The following ZNF674 variants were observed in gnomAD, a reference collection of about 807,000 sequenced individuals.
ZNF674 encodes the protein zinc finger family member 674.
In ZNF674, 2 loss-of-function variants were observed where a neutral mutation model predicts 7.0. The ratio of observed to expected loss-of-function variants is 0.29; its 90% CI spans 0.12 to 0.90. The LOEUF (loss-of-function observed/expected upper bound fraction) is 0.90. Among genes scored for constraint, ZNF674 ranks in the 40% least tolerant of loss-of-function variants. The pLI, the probability that ZNF674 is intolerant of heterozygous loss-of-function variation, is 0.57. For missense variants in ZNF674, 297 were observed against 415.5 expected (o/e 0.71, Z 2.48); for synonymous variants, 103 against 145.2 (o/e 0.71, Z 2.09).
rs762538149 is a variant in ZNF674 at position 46,501,215 on chromosome X, A to AT, written c.358dup (p.Ile120AsnfsTer3). 8.3e-7 allele frequency: 1 copy of AT among 1,210,751 alleles called. No individual in the cohort carries two copies. Among genetic ancestry groups the AT allele is most frequent in the East Asian group, 3.0e-5 (1 of 33,830 alleles). The stretch of plus-strand genomic sequence containing the variant: ...GTTGAGATAAATGATTTTTCTACAT[A>AT]TTTTACATTCTTGACCACTTTCATC... On this transcript the variant is annotated frameshift_variant, in exon 6 of 6. Coordinates refer to ENST00000683375, the MANE Select transcript of ZNF674 (RefSeq NM_001190417.2). LOFTEE classifies it low-confidence loss of function (END_TRUNC).
chrX:46,519,517 A>C (rs1941866829), intron 5 of ZNF674, among the ~76,000 whole-genome samples: 1 of 108,221 alleles, frequency 9.2e-6, no homozygotes, highest in Non-Finnish European at 1.9e-5. Flanking sequence ...CTGGGGCAGG[A>C]GAATCGCTTG....
At chrX:46,504,676 A>T (rs764938669) in intron 5 of ZNF674, among the ~76,000 whole-genome samples, 1 of 109,921 alleles carries the variant, frequency 9.1e-6, no homozygotes, top group Admixed American at 9.8e-5. Context: ...ACAATCTGGT[A>T]ATTTTACAAA....
rs1217038194 is a variant in ZNF674, at chrX:46,542,070, C to T, written c.15+3G>A. Reference sequence around the variant, plus strand: ...AAAAAAGTAGGGGTACATTAGAACTCACCTGGGACATGGCCATCTTGTTGT... The same window carrying T: ...AAAAAAGTAGGGGTACATTAGAACTTACCTGGGACATGGCCATCTTGTTGT... On this transcript the variant is annotated splice_donor_region_variant and intron_variant, in intron 3 of 5. Coordinates refer to ENST00000683375, the MANE Select transcript of ZNF674 (RefSeq NM_001190417.2). 8.3e-7 allele frequency: 1 copy of T among 1,205,160 alleles called. No homozygotes were observed. Among genetic ancestry groups the T allele is most frequent in the South Asian group, 1.8e-5 (1 of 56,352 alleles).
chrX:46,537,846 T>A (rs7888672), intron 3 of ZNF674, among the ~76,000 whole-genome samples: 1,222 of 112,359 alleles, frequency 0.011, 18 homozygotes, highest in African/African-American at 0.037. Flanking sequence ...CCCAGCACTT[T>A]GGGAGATTGA....
chrX:46,533,839 TATATATATATATATAC>T (rs1942157428), intron 3 of ZNF674, among the ~76,000 whole-genome samples: 1 of 85,579 alleles, frequency 1.2e-5, no homozygotes, highest in East Asian at 3.9e-4. Flanking sequence ...AATATATATA[TATATATATATATATAC>T]ACACACACAC....
chrX:46,519,523 G>A (rs1389595068), intron 5 of ZNF674, among the ~76,000 whole-genome samples: 3 of 107,720 alleles, frequency 2.8e-5, no homozygotes, highest in African/African-American at 6.7e-5. Context: ...CAGGAGAATC[G>A]CTTGAACCAG....
intron 5 of ZNF674, chrX:46,522,869 A>G (rs1941939230): frequency 1.8e-5 from 2 of 112,619 alleles, no homozygotes; most frequent in South Asian, 7.3e-4. Context: ...TTCAAACTAA[A>G]CAATATATTG....
chrX:46,545,385 C>G lies in ZNF674; in HGVS notation c.-155G>C, dbSNP rs1364063028. ...CTCCCGCTTACTTCACTGCCGACAG[C>G]CTGAAACCTCAGGGGCGGATGACAA... On this transcript the variant is annotated 5_prime_UTR_variant, in exon 1 of 6. Coordinates refer to ENST00000683375, the MANE Select transcript of ZNF674 (RefSeq NM_001190417.2). 4 of 112,682 alleles carry G rather than the reference C, an allele frequency of 3.5e-5. No homozygotes were observed. The highest frequency in any genetic ancestry group is 1.9e-4 in the Admixed American group (2 of 10,666). 9.3% of individuals were successfully genotyped at this position (112,682 alleles called of 1,213,427 possible). A position where few individuals can be genotyped will look rare whatever the true frequency, so the allele number is the denominator to read the frequency against.
rs773232395 is a variant in ZNF674 at position 46,532,904 on chromosome X, C to T, written c.16-3995G>A. On this transcript the variant is annotated intron_variant, in intron 3 of 5. Transcript: ENST00000683375. ...TCTCATAATGTTTTAAGAAAGTTTA[C>T]AAATTTGTATTGGGCCGCATTCAAA... Among the ~76,000 whole-genome samples the T allele has an allele frequency of 6.3e-5, 7 of 111,741 alleles. No individual in the cohort carries two copies. The Admixed American group carries it at 6.7e-4, about 11-fold the overall frequency.
chrX:46,520,947 G>A (rs1941898160), intron 5 of ZNF674, among the ~76,000 whole-genome samples: 1 of 111,578 alleles, frequency 9.0e-6, no homozygotes, highest in East Asian at 2.8e-4. Context: ...AGCACTTTGG[G>A]AGGCCGAGGT....
chrX:46,519,173 A>AGT lies in ZNF674; in HGVS notation c.238+9176_238+9177insAC, dbSNP rs2033234564. 1.0e-4 allele frequency among the ~76,000 whole-genome samples: 11 copies of AGT among 109,014 alleles called. No individual in the cohort carries two copies. The South Asian group carries it at 4.0e-3, about 39-fold the overall frequency. 94.7% of individuals were successfully genotyped at this position (109,014 alleles called of 115,157 possible). ...AGCCAAGATTGCACCACTGCACTCCAGCCTGGGCAACAGAGCGAGACACCA... is the reference window on the plus strand; with the variant it reads ...AGCCAAGATTGCACCACTGCACTCCAGTGCCTGGGCAACAGAGCGAGACACCA... On this transcript the variant is annotated intron_variant, in intron 5 of 5. Coordinates refer to ENST00000683375, the MANE Select transcript of ZNF674 (RefSeq NM_001190417.2).
rs1274759648 is a variant in ZNF674 at position 46,501,273 on chromosome X, G to A, written c.301C>T (p.Gln101Ter). The A allele has an allele frequency of 2.5e-6, 3 of 1,211,215 alleles. No homozygotes were observed. The highest frequency in any genetic ancestry group is 3.4e-6 in the Non-Finnish European group (3 of 895,120). Residue 101 changes from glutamine to a stop codon, truncating the protein, a stop_gained, in exon 6 of 6, where the codon CAA (glutamine) becomes TAA (stop). Coordinates refer to ENST00000683375, the MANE Select transcript of ZNF674 (RefSeq NM_001190417.2). LOFTEE classifies it low-confidence loss of function (END_TRUNC). ...GTTTCCTTGCCTATGAATGCAGCTT[G>A]CCACAGAAATTTGTCTTGGCTTTCC... Reference protein sequence around the residue: ...YKESQDKFLWQAAFIGKETLK... With the variant: ...YKESQDKFLW
At chrX:46,538,427 C>G (rs1202411278) in intron 3 of ZNF674, among the ~76,000 whole-genome samples, 2 of 111,425 alleles carry the variant, frequency 1.8e-5, no homozygotes, top group African/African-American at 6.5e-5. Flanking sequence ...CAAGTCAAAG[C>G]AAATGAAGTA....
In ZNF674 at chrX:46,506,594, C is replaced by T. The variant is rs974683420; in HGVS notation, c.239-5259G>A. Among the ~76,000 whole-genome samples, 4 of 111,409 alleles carry T rather than the reference C, an allele frequency of 3.6e-5. No individual in the cohort carries two copies. The Admixed American group carries it at 3.8e-4, about 11-fold the overall frequency. ...AGTATCAATAATCAGAATAGCTTTA[C>T]ACTGAAAATTAGATGACAATGGAGC... is the stretch of plus-strand genomic sequence containing the variant. On this transcript the variant is annotated intron_variant, in intron 5 of 5. Coordinates refer to ENST00000683375, the MANE Select transcript of ZNF674 (RefSeq NM_001190417.2).
chrX:46,506,142 G>A (rs1941533544), intron 5 of ZNF674, among the ~76,000 whole-genome samples: 1 of 112,243 alleles, frequency 8.9e-6, no homozygotes, highest in African/African-American at 3.2e-5. Context: ...GCTGGCTCCT[G>A]GCTAAAGTCT....
intron 5 of ZNF674, chrX:46,527,894 TAA>T (rs376612095): frequency 0.018 from 2,040 of 115,023 alleles, no homozygotes; most frequent in South Asian, 0.03. Flanking sequence ...TCCTTGAGTC[TAA>T]AAAAAAAAAA....
intron 5 of ZNF674, among the ~76,000 whole-genome samples, chrX:46,515,125 C>T (rs1941737646): frequency 9.0e-6 from 1 of 111,128 alleles, no homozygotes; most frequent in Non-Finnish European, 1.9e-5. Flanking sequence ...TCCCAACACT[C>T]TGGGAGGCCT....
At chrX:46,531,258 AT>A (rs1379378467) in intron 3 of ZNF674, among the ~76,000 whole-genome samples, 14 of 111,619 alleles carry the variant, frequency 1.3e-4, no homozygotes, top group African/African-American at 4.6e-4. Flanking sequence ...GTTCATCTGT[AT>A]CTTCTGTAAT....
intron 3 of ZNF674, 79 bp downstream of exon 3, chrX:46,541,994 T>G: frequency 2.3e-6 from 2 of 865,134 alleles, no homozygotes; most frequent in Non-Finnish European, 3.4e-6. Context: ...GGATAATTGG[T>G]ATTTTCAAGT....
Sources: allele counts gnomAD v4.1 joint callset (sites outside exome capture counted in the v4.1 genomes callset), GRCh38; gene constraint gnomAD v4.1.1; transcripts MANE v1.5; gene names NCBI Gene and HGNC (gene_info 2026-07-23, HGNC 2026-07-21).